NFE2L3: variants seen among roughly 807,000 people sequenced by gnomAD.
NFE2L3 encodes NFE2 like bZIP transcription factor 3.
Under a neutral mutation model 23.5 loss-of-function variants are expected in NFE2L3, and 18 were observed. That is an observed-to-expected ratio of 0.77 (90% CI 0.53 to 1.13). NFE2L3 has a LOEUF of 1.13. NFE2L3 is among the 50% of genes most tolerant of loss of function. The pLI is 0.00. For synonymous variants in NFE2L3, 424 were observed against 354.5 expected (o/e 1.20, Z -2.20); for missense variants, 1,152 against 877.2 (o/e 1.31, Z -3.96).
intron 1 of NFE2L3, among the ~76,000 whole-genome samples, chr7:26,175,141 TTGAGAC>T (rs1784379903): frequency 6.8e-6 from 1 of 148,144 alleles, no homozygotes; most frequent in Admixed American, 6.7e-5. Context: ...GGTCAGGAGA[TTGAGAC>T]CATCCTGGCT....
chr7:26,157,405 C>G (rs1050853580), intron 1 of NFE2L3, among the ~76,000 whole-genome samples: 1 of 151,868 alleles, frequency 6.6e-6, no homozygotes, highest in African/African-American at 2.4e-5. Context: ...TCTCAAACTC[C>G]TGGGCTCAAG....
intron 3 of NFE2L3, chr7:26,184,102 G>A: frequency 2.6e-6 from 1 of 383,708 alleles, no homozygotes; most frequent in Non-Finnish European, 4.7e-6. Flanking sequence ...GTTTATTGCA[G>A]CAATATTCAC....
intron 2 of NFE2L3, among the ~76,000 whole-genome samples, chr7:26,179,213 C>A (rs1385920402): frequency 6.6e-6 from 1 of 151,968 alleles, no homozygotes; most frequent in Non-Finnish European, 1.5e-5. Flanking sequence ...AAGAATAACC[C>A]AGTGTGTCCA....
intron 3 of NFE2L3, 63 bp downstream of exon 3, chr7:26,183,847 A>G (rs2128100491): frequency 9.8e-7 from 1 of 1,025,236 alleles, no homozygotes; most frequent in Non-Finnish European, 1.5e-6. Context: ...TTGGTGAACA[A>G]ATACAACTCC....
chr7:26,183,217 A>G (rs1178887004), intron 2 of NFE2L3, among the ~76,000 whole-genome samples: 1 of 152,082 alleles, frequency 6.6e-6, no homozygotes, highest in Non-Finnish European at 1.5e-5. Context: ...TTAGCTTTGG[A>G]CTTTTAAGTA....
chr7:26,178,476 C>G (rs1340439941), intron 2 of NFE2L3, among the ~76,000 whole-genome samples: 1 of 152,112 alleles, frequency 6.6e-6, no homozygotes, highest in African/African-American at 2.4e-5. Context: ...GCCAGGCTGG[C>G]CTAGTCCAGG....
chr7:26,184,277 CTTT>C (rs757259939), intron 3 of NFE2L3: 21 of 434,320 alleles, frequency 4.8e-5, no homozygotes, highest in African/African-American at 2.8e-4. Context: ...TAACATTAGA[CTTT>C]TTAAGAAAAT....
Position 26,152,255 on chromosome 7 carries a change from G to A in NFE2L3, c.-244G>A. ...CTGGGCGAACGGGCTCGGCGCTCAG[G>A]TGGCTCCTTCTTCGCTTCTCCCGAT... On this transcript the variant is annotated 5_prime_UTR_variant, in exon 1 of 4. The change creates a new upstream start codon in the 5' untranslated region. Coordinates refer to ENST00000056233, the MANE Select transcript of NFE2L3 (RefSeq NM_004289.7). The surrounding 1 kb of genome is among the most constrained non-coding windows in gnomAD (Gnocchi z 4.4). 1 of 223,150 alleles carries A rather than the reference G, an allele frequency of 4.5e-6. No individual in the cohort carries two copies. Among genetic ancestry groups the A allele is most frequent in the Non-Finnish European group, 8.6e-6 (1 of 116,270 alleles). 13.8% of individuals were successfully genotyped at this position (223,150 alleles called of 1,614,324 possible). A position where few individuals can be genotyped will look rare whatever the true frequency, so the allele number is the denominator to read the frequency against.
chr7:26,158,205 C>T (rs1357089552), intron 1 of NFE2L3, among the ~76,000 whole-genome samples: 5 of 152,102 alleles, frequency 3.3e-5, no homozygotes, highest in East Asian at 1.9e-4. Flanking sequence ...CCTGCCACCA[C>T]GCCCAGCTAA....
At chr7:26,177,608 GGGAGGAAGGGAGGAAGGAA>G (rs1008329078) in intron 1 of NFE2L3, among the ~76,000 whole-genome samples, 2 of 151,690 alleles carry the variant, frequency 1.3e-5, no homozygotes, top group Admixed American at 1.3e-4. Flanking sequence ...GAGGGAAGGA[GGGAGGAAGGGAGGAAGGAA>G]GGAATCAATT....
At chr7:26,183,551 T>C (rs1439350473) in intron 2 of NFE2L3, 150 bp from the exon 3 acceptor site, 4 of 569,108 alleles carry the variant, frequency 7.0e-6, no homozygotes, top group South Asian at 2.1e-5. Context: ...TCTCAAAATA[T>C]AATAAAAAGT....
intron 2 of NFE2L3, among the ~76,000 whole-genome samples, chr7:26,178,736 T>C (rs1583936953): frequency 6.6e-6 from 1 of 152,136 alleles, no homozygotes; most frequent in Non-Finnish European, 1.5e-5. Context: ...TCCTCCTCCT[T>C]TCATTTGGGC....
In NFE2L3 at chr7:26,153,193, G is replaced by A. The variant is rs138756040; in HGVS notation, c.570+125G>A. The A allele has an allele frequency of 1.5e-3, 1,375 of 932,710 alleles. 14 individuals are homozygous for A. The African/African-American group carries it at 0.021, about 14-fold the overall frequency. The allele number at this position is 932,710 out of a possible 1,614,324, so 57.8% of individuals were successfully genotyped here. ...CTGGCACCCTTAGCCCCTGGTCTTT[G>A]CAGGTTCGCAGATGCTGCTGCTCTG... On this transcript the variant is annotated intron_variant, in intron 1 of 3. Coordinates refer to ENST00000056233, the MANE Select transcript of NFE2L3 (RefSeq NM_004289.7).
Position 26,185,094 on chromosome 7 carries a change from G to C in NFE2L3, c.1396G>C (p.Gly466Arg), listed in dbSNP as rs759924786. The change falls in exon 4 of 4, where the codon GGT becomes CGT. Residue 466 changes from glycine (G) to arginine (R), a missense_variant. Transcript: ENST00000056233. Reference sequence around the variant, plus strand: ...CCATCATGACTTAGAAGGTGCTGTAGGTGGCTACTACCCAGAACCCAGTAA... The same window carrying C: ...CCATCATGACTTAGAAGGTGCTGTACGTGGCTACTACCCAGAACCCAGTAA... ...SSHHDLEGAVGGYYPEPSKLC... is the reference protein window; with the variant it reads ...SSHHDLEGAVRGYYPEPSKLC... The C allele has an allele frequency of 5.0e-6, 8 of 1,613,870 alleles. No individual in the cohort carries two copies. The highest frequency in any genetic ancestry group is 6.8e-6 in the Non-Finnish European group (8 of 1,179,834).
intron 2 of NFE2L3, among the ~76,000 whole-genome samples, chr7:26,178,496 C>T (rs942921290): frequency 1.3e-5 from 2 of 152,124 alleles, no homozygotes; most frequent in African/African-American, 2.4e-5. Flanking sequence ...GAGAGCAAGC[C>T]GAGGACCAAC....
intron 1 of NFE2L3, among the ~76,000 whole-genome samples, chr7:26,170,795 GC>G (rs1784320350): frequency 6.6e-6 from 1 of 152,168 alleles, no homozygotes; most frequent in Non-Finnish European, 1.5e-5. Flanking sequence ...CTCGCTCTTG[GC>G]CTGCATGACT....
At position 26,153,052 on chromosome 7, in the gene NFE2L3, G is replaced by A; in HGVS notation, c.554G>A (p.Gly185Asp). 4 of 1,527,210 alleles carry A rather than the reference G, an allele frequency of 2.6e-6. No homozygotes were observed. Among genetic ancestry groups the A allele is most frequent in the Non-Finnish European group, 3.5e-6 (4 of 1,140,812 alleles). 94.6% of individuals were successfully genotyped at this position (1,527,210 alleles called of 1,614,324 possible). The part of the protein sequence containing the change: ...AEPTAQVPDA[G>D]GCASEENGVL... ...CCGACGGCTCAGGTGCCGGACGCTG[G>A]CGGATGTGCGAGCGAGGTAGGTGCA... Residue 185 changes from glycine (G) to aspartate (D), a missense_variant, in exon 1 of 4, where the codon GGC becomes GAC. Coordinates refer to ENST00000056233, the MANE Select transcript of NFE2L3 (RefSeq NM_004289.7).
chr7:26,169,455 G>A (rs554846597), intron 1 of NFE2L3, among the ~76,000 whole-genome samples: 1 of 152,322 alleles, frequency 6.6e-6, no homozygotes, highest in East Asian at 1.9e-4. Flanking sequence ...GACAGGTCAT[G>A]GGATGTGGGC....
chr7:26,177,590 G>C (rs150437758), intron 1 of NFE2L3, among the ~76,000 whole-genome samples: 2 of 152,188 alleles, frequency 1.3e-5, no homozygotes, highest in Non-Finnish European at 2.9e-5. Flanking sequence ...GAGGGAGACC[G>C]TCGAAAGGAG....
Sources: gnomAD v4.1 joint callset for allele counts (sites outside exome capture counted in the v4.1 genomes callset) on GRCh38, gnomAD v4.1.1 for gene constraint, Gnocchi (gnomAD v3.1) non-coding constraint, MANE v1.5 for transcripts, NCBI Gene and HGNC (gene_info 2026-07-23, HGNC 2026-07-21) for gene names.